Variants in WFDC2 observed in about 807,000 individuals in gnomAD.
WFDC2 encodes the protein WAP four-disulfide core domain protein 2.
WFDC2 carries 8 observed loss-of-function variants against 12.5 expected under a neutral mutation model. The ratio of observed to expected loss-of-function variants is 0.64; its 90% confidence interval spans 0.37 to 1.15. WFDC2 has a LOEUF of 1.15. Among genes scored for constraint, WFDC2 ranks in the 50% most tolerant of loss-of-function variants. The pLI is 0.01. For missense variants in WFDC2, 166 were observed against 159.9 expected (o/e 1.04, Z -0.21); for synonymous variants, 74 against 67.2 (o/e 1.10, Z -0.49).
At chr20:45,479,449 C>T in intron 2 of WFDC2, 1 of 561,962 alleles carries the variant, frequency 1.8e-6, no homozygotes, top group Non-Finnish European at 3.1e-6. Context: ...AGATCCCTCC[C>T]CTTCTTTTAG....
intron 2 of WFDC2, among the ~76,000 whole-genome samples, chr20:45,475,920 C>T (rs1189694805): frequency 6.6e-6 from 1 of 152,170 alleles, no homozygotes; most frequent in African/African-American, 2.4e-5. Context: ...ATCCCTTTAC[C>T]ATTGTGTAAT....
At chr20:45,471,036 G>A (rs998149254) in intron 2 of WFDC2, 1 of 423,632 alleles carries the variant, frequency 2.4e-6, no homozygotes, top group African/African-American at 2.0e-5. Context: ...AAAATGCCCC[G>A]CTCATCTTAA....
chr20:45,473,016 G>A lies in WFDC2; in HGVS notation c.223+2484G>A, dbSNP rs180974607. 1.6e-4 allele frequency among the ~76,000 whole-genome samples: 24 copies of A among 152,198 alleles called. No homozygotes were observed. In the East Asian group the frequency reaches 4.2e-3, roughly 27 times the overall value. ...TGAGAAGCATCTGTTCATATCCTTCGCCCACGTTCTAATGGGGTTTTTTTC... is the reference window on the plus strand; with the variant it reads ...TGAGAAGCATCTGTTCATATCCTTCACCCACGTTCTAATGGGGTTTTTTTC... On this transcript the variant is annotated intron_variant, in intron 2 of 3. Coordinates refer to ENST00000372676, the MANE Select transcript of WFDC2 (RefSeq NM_006103.4).
At position 45,470,010 on chromosome 20, in the gene WFDC2, G is replaced by A. The variant is rs1991146073; in HGVS notation, c.79+150G>A. The A allele has an allele frequency of 2.0e-6, 2 of 990,546 alleles. No individual in the cohort carries two copies. The highest frequency in any genetic ancestry group is 2.6e-5 in the East Asian group (1 of 38,282). 61.4% of individuals were successfully genotyped at this position (990,546 alleles called of 1,614,324 possible). A position where few individuals can be genotyped will look rare whatever the true frequency, so the allele number is the denominator to read the frequency against. Reference sequence around the variant, plus strand: ...GGACCCTTGGAGCCTAGGGTGTGGGGTCCAATGTGCTGGAGGTGGAGAGAC... The same window carrying A: ...GGACCCTTGGAGCCTAGGGTGTGGGATCCAATGTGCTGGAGGTGGAGAGAC... On this transcript the variant is annotated intron_variant, in intron 1 of 3. Coordinates refer to ENST00000372676, the MANE Select transcript of WFDC2 (RefSeq NM_006103.4). This position sits in a 1 kb window ranked among gnomAD's most constrained non-coding sequence, Gnocchi z 5.4.
At chr20:45,473,847 C>G (rs1002239372) in intron 2 of WFDC2, among the ~76,000 whole-genome samples, 1 of 152,176 alleles carries the variant, frequency 6.6e-6, no homozygotes, top group East Asian at 1.9e-4. Flanking sequence ...TTTGTATCCT[C>G]TCTTATTTCG....
At chr20:45,474,108 A>G (rs1991204623) in intron 2 of WFDC2, among the ~76,000 whole-genome samples, 3 of 152,214 alleles carry the variant, frequency 2.0e-5, no homozygotes, top group Admixed American at 2.0e-4. Flanking sequence ...TAAATATACA[A>G]TCATTTCATC....
intron 2 of WFDC2, among the ~76,000 whole-genome samples, chr20:45,478,513 G>A (rs1028962189): frequency 6.6e-6 from 1 of 152,132 alleles, no homozygotes; most frequent in African/African-American, 2.4e-5. Context: ...CAGTCCCAAT[G>A]AGATGAGCCA....
intron 2 of WFDC2, among the ~76,000 whole-genome samples, chr20:45,472,043 A>G (rs1454089285): frequency 6.6e-6 from 1 of 152,200 alleles, no homozygotes; most frequent in Non-Finnish European, 1.5e-5. Flanking sequence ...GCAGCCCAAT[A>G]TTACAGGTTC....
chr20:45,480,276 C>T (rs1373788948), intron 3 of WFDC2, among the ~76,000 whole-genome samples, 182 bp downstream of exon 3: 1 of 152,000 alleles, frequency 6.6e-6, no homozygotes, highest in African/African-American at 2.4e-5. Context: ...TGATGAGCTG[C>T]ATTGGGGAGG....
chr20:45,475,301 C>G (rs934082812), intron 2 of WFDC2, among the ~76,000 whole-genome samples: 34 of 151,916 alleles, frequency 2.2e-4, no homozygotes, highest in African/African-American at 7.0e-4. Context: ...TCCTGCTTTC[C>G]CTTGTGGGCA....
intron 3 of WFDC2, among the ~76,000 whole-genome samples, chr20:45,480,636 C>A (rs1272726434): frequency 2.0e-5 from 3 of 151,928 alleles, no homozygotes; most frequent in Non-Finnish European, 4.4e-5. Flanking sequence ...AACAAACAAA[C>A]AAAAAACAGC....
chr20:45,481,162 G>C (rs1040191290), intron 3 of WFDC2, among the ~76,000 whole-genome samples: 2 of 151,880 alleles, frequency 1.3e-5, no homozygotes, highest in African/African-American at 4.8e-5. Context: ...AGTATACCCA[G>C]GTACCTGCTA....
intron 2 of WFDC2, among the ~76,000 whole-genome samples, chr20:45,473,330 C>G (rs1991195568): frequency 6.6e-6 from 1 of 152,144 alleles, no homozygotes; most frequent in African/African-American, 2.4e-5. Context: ...ACATTTAAGT[C>G]TTTAATCCAT....
Position 45,479,926 on chromosome 20 carries a change from T to C in WFDC2, c.224-16T>C, listed in dbSNP as rs757707303. Reference sequence around the variant, plus strand: ...ATCGCCTCTGCCCACTTACCCTTACTCCTTTTTCTACCCAGATAAGGAGGG... The same window carrying C: ...ATCGCCTCTGCCCACTTACCCTTACCCCTTTTTCTACCCAGATAAGGAGGG... On this transcript the variant is annotated splice_polypyrimidine_tract_variant and intron_variant, in intron 2 of 3. Coordinates refer to ENST00000372676, the MANE Select transcript of WFDC2 (RefSeq NM_006103.4). The C allele has an allele frequency of 2.0e-5, 33 of 1,614,206 alleles. No individual in the cohort carries two copies. Among genetic ancestry groups the C allele is most frequent in the Non-Finnish European group, 2.6e-5 (31 of 1,180,032 alleles).
chr20:45,476,409 G>A (rs1361349870), intron 2 of WFDC2, among the ~76,000 whole-genome samples: 1 of 152,152 alleles, frequency 6.6e-6, no homozygotes, highest in Non-Finnish European at 1.5e-5. Flanking sequence ...TGTCTATAAA[G>A]GATTTTATTT....
intron 2 of WFDC2, chr20:45,471,216 T>C (rs529068032): frequency 5.8e-5 from 27 of 468,866 alleles, no homozygotes; most frequent in South Asian, 3.9e-4. Context: ...TCGCCCTTCG[T>C]CGTCTTTCAG....
At chr20:45,479,748 G>C in intron 2 of WFDC2, 194 bp from the exon 3 acceptor site, 1 of 1,614,006 alleles carries the variant, frequency 6.2e-7, no homozygotes, top group Non-Finnish European at 8.5e-7. Context: ...TTCCATTTGG[G>C]AGCAGGAGGA....
chr20:45,470,272 G>T lies in WFDC2; in HGVS notation c.80-117G>T, dbSNP rs984048181. 2.9e-6 allele frequency: 4 copies of T among 1,382,722 alleles called. No individual in the cohort carries two copies. The Admixed American group carries it at 8.0e-5, about 28-fold the overall frequency. 85.7% of individuals were successfully genotyped at this position (1,382,722 alleles called of 1,614,324 possible). A position where few individuals can be genotyped will look rare whatever the true frequency, so the allele number is the denominator to read the frequency against. On this transcript the variant is annotated intron_variant, in intron 1 of 3. Coordinates refer to ENST00000372676, the MANE Select transcript of WFDC2 (RefSeq NM_006103.4). This position sits in a 1 kb window ranked among gnomAD's most constrained non-coding sequence, Gnocchi z 5.4. ...AAGGAGTCTCTGGGGGCTGTAAGGG[G>T]ACTCCTAGGGCCAGAGACTGAGAAT...
chr20:45,472,982 G>A (rs1178758977), intron 2 of WFDC2, among the ~76,000 whole-genome samples: 1 of 152,204 alleles, frequency 6.6e-6, no homozygotes, highest in African/African-American at 2.4e-5. Context: ...CTGCATAAAT[G>A]TCTTCTTTTG....
Sources: gnomAD v4.1 joint callset for allele counts (sites outside exome capture counted in the v4.1 genomes callset) on GRCh38, gnomAD v4.1.1 for gene constraint, Gnocchi (gnomAD v3.1) non-coding constraint, MANE v1.5 for transcripts, NCBI Gene and HGNC (gene_info 2026-07-23, HGNC 2026-07-21) for gene names.